The following CNTN4 variants were observed in gnomAD, a reference collection of about 807,000 sequenced individuals.
CNTN4 encodes contactin 4, also known as contactin-4.
A neutral mutation model predicts 122.5 loss-of-function variants in CNTN4; 77 were observed. That is an observed-to-expected ratio of 0.63 (90% CI 0.52 to 0.76). The LOEUF is 0.76. Ranked by LOEUF, CNTN4 falls within the 30% of genes least tolerant of loss-of-function variation. CNTN4 has a pLI of 0.00. For missense variants in CNTN4, 1,256 were observed against 1,259.1 expected, an observed-to-expected ratio of 1.00 and a Z score of 0.04; for synonymous variants, 512 against 447.0, an observed-to-expected ratio of 1.15 and a Z score of -1.83.
chr3:2,155,268 AC>A (rs1220508637), intron 2 of CNTN4, among the ~76,000 whole-genome samples: 1 of 152,122 alleles, frequency 6.6e-6, no homozygotes, highest in East Asian at 1.9e-4. Context: ...TGAAAATTTG[AC>A]TCAGTTACCT....
chr3:2,340,779 ATGAGC>A lies in CNTN4; in HGVS notation c.-89+1548_-89+1552del, dbSNP rs2044181750. On this transcript the variant is annotated intron_variant, in intron 3 of 24. Coordinates refer to ENST00000418658, the MANE Select transcript of CNTN4 (RefSeq NM_175607.3). ...TCACTTGATTCTTCAGGTATTTTTCATGAGCTAAGGTTGAGTAAGGTGTTTTTTAA... is the reference window on the plus strand; with the variant it reads ...TCACTTGATTCTTCAGGTATTTTTCATAAGGTTGAGTAAGGTGTTTTTTAA... Among the ~76,000 whole-genome samples, 4 of 147,652 alleles carry A rather than the reference ATGAGC, an allele frequency of 2.7e-5. No individual in the cohort carries two copies. In the Admixed American group the frequency reaches 2.7e-4, roughly 10 times the overall value.
At chr3:2,392,567 A>T (rs2046478825) in intron 3 of CNTN4, among the ~76,000 whole-genome samples, 1 of 152,192 alleles carries the variant, frequency 6.6e-6, no homozygotes, top group African/African-American at 2.4e-5. Context: ...ATCTTTTGAT[A>T]CATGTGTACA....
In CNTN4 at chr3:2,401,088, G is replaced by C. The variant is rs535554706; in HGVS notation, c.-89+61855G>C. The stretch of plus-strand genomic sequence containing the variant: ...ATACTGAAATGGCTGATCCCACTTT[G>C]ATCACCTGTATTACAGAATTAGGTT... On this transcript the variant is annotated intron_variant, in intron 3 of 24. Coordinates refer to ENST00000418658, the MANE Select transcript of CNTN4 (RefSeq NM_175607.3). 4.6e-5 allele frequency among the ~76,000 whole-genome samples: 7 copies of C among 152,132 alleles called. No homozygotes were observed. The South Asian group carries it at 6.2e-4, about 14-fold the overall frequency.
intron 2 of CNTN4, among the ~76,000 whole-genome samples, chr3:2,325,494 C>G (rs1206356240): frequency 6.6e-6 from 1 of 152,178 alleles, no homozygotes; most frequent in Non-Finnish European, 1.5e-5. Flanking sequence ...TATGGTCTTA[C>G]TTGAATACCT....
chr3:2,287,003 T>C (rs2041924951), intron 2 of CNTN4, among the ~76,000 whole-genome samples: 1 of 152,184 alleles, frequency 6.6e-6, no homozygotes, highest in South Asian at 2.1e-4. Context: ...TTTGTGGAGA[T>C]ATTCGTAGTT....
intron 4 of CNTN4, among the ~76,000 whole-genome samples, chr3:2,590,535 G>C (rs999774229): frequency 1.3e-5 from 2 of 151,778 alleles, no homozygotes; most frequent in Non-Finnish European, 2.9e-5. Flanking sequence ...GTGGCTTACT[G>C]TTACACATAG....
chr3:2,935,710 A>G (rs2151461598), intron 13 of CNTN4, among the ~76,000 whole-genome samples: 1 of 152,254 alleles, frequency 6.6e-6, no homozygotes, highest in South Asian at 2.1e-4. Context: ...ATAGTTATAA[A>G]CTTCATATTT....
chr3:3,011,106 C>G (rs181355093), intron 14 of CNTN4, among the ~76,000 whole-genome samples: 1 of 152,244 alleles, frequency 6.6e-6, no homozygotes, highest in African/African-American at 2.4e-5. Flanking sequence ...AACCCTTAGT[C>G]CTTGCATAAT....
At chr3:2,272,706 A>G (rs374960763) in intron 2 of CNTN4, among the ~76,000 whole-genome samples, 5 of 152,192 alleles carry the variant, frequency 3.3e-5, no homozygotes, top group African/African-American at 9.6e-5. Context: ...TGTATTGACA[A>G]TTATTCACTG....
intron 3 of CNTN4, among the ~76,000 whole-genome samples, chr3:2,389,206 C>A (rs1388297982): frequency 2.0e-5 from 3 of 151,988 alleles, no homozygotes; most frequent in Admixed American, 6.6e-5. Context: ...TCTTGCCACT[C>A]ATTCCTGCAT....
chr3:2,741,837 G>T (rs2089472940), intron 5 of CNTN4, among the ~76,000 whole-genome samples: 1 of 152,198 alleles, frequency 6.6e-6, no homozygotes, highest in Non-Finnish European at 1.5e-5. Flanking sequence ...TGTGTTTCTA[G>T]ATATAGGAGT....
intron 4 of CNTN4, among the ~76,000 whole-genome samples, chr3:2,659,173 A>G (rs766408486): frequency 2.0e-5 from 3 of 152,156 alleles, no homozygotes; most frequent in Admixed American, 6.6e-5. Flanking sequence ...CTTCTTAAAA[A>G]TAGGAGCAGG....
chr3:2,249,692 T>C (rs1441461914), intron 2 of CNTN4, among the ~76,000 whole-genome samples: 1 of 151,882 alleles, frequency 6.6e-6, no homozygotes, highest in Admixed American at 6.6e-5. Flanking sequence ...TTAAATGAGC[T>C]GGAAAGAAAT....
intron 2 of CNTN4, among the ~76,000 whole-genome samples, chr3:2,309,087 T>C (rs1250201075): frequency 6.6e-6 from 1 of 152,158 alleles, no homozygotes; most frequent in Non-Finnish European, 1.5e-5. Flanking sequence ...TGTTGAATTT[T>C]CTATTTCTTC....
intron 14 of CNTN4, among the ~76,000 whole-genome samples, chr3:3,013,333 A>G (rs1049840711): frequency 3.3e-5 from 5 of 152,160 alleles, no homozygotes; most frequent in Non-Finnish European, 7.4e-5. Context: ...TGAGTGTTTT[A>G]TATATTTCAT....
intron 2 of CNTN4, among the ~76,000 whole-genome samples, chr3:2,272,947 G>A (rs1259342335): frequency 6.6e-6 from 1 of 151,982 alleles, no homozygotes; most frequent in African/African-American, 2.4e-5. Context: ...TATCTCCTTA[G>A]GGTTAAGTAT....
At chr3:2,343,447 T>G (rs2044282484) in intron 3 of CNTN4, among the ~76,000 whole-genome samples, 1 of 152,178 alleles carries the variant, frequency 6.6e-6, no homozygotes. Flanking sequence ...CTTTGTAACT[T>G]CACTTCAGTC....
At chr3:2,171,247 T>G (rs1412642530) in intron 2 of CNTN4, among the ~76,000 whole-genome samples, 1 of 152,160 alleles carries the variant, frequency 6.6e-6, no homozygotes, top group Non-Finnish European at 1.5e-5. Context: ...CCAAAAATGT[T>G]AAAATAACTT....
At chr3:2,553,796 T>G (rs1410701965) in intron 3 of CNTN4, among the ~76,000 whole-genome samples, 2 of 152,192 alleles carry the variant, frequency 1.3e-5, no homozygotes, top group Non-Finnish European at 2.9e-5. Context: ...GAATTATTTC[T>G]TTTCATTTCA....
Sources: allele counts gnomAD v4.1 joint callset (sites outside exome capture counted in the v4.1 genomes callset), GRCh38; gene constraint gnomAD v4.1.1; transcripts MANE v1.5; gene names NCBI Gene and HGNC (gene_info 2026-07-23, HGNC 2026-07-21).